Variants in PHACTR1 observed in about 807,000 individuals in gnomAD.
PHACTR1 encodes the protein phosphatase and actin regulator 1.
A neutral mutation model predicts 69.2 loss-of-function variants in PHACTR1; 16 were observed. That is an observed-to-expected ratio of 0.23 (90% CI 0.16 to 0.35). The LOEUF (loss-of-function observed/expected upper bound fraction) is 0.35. PHACTR1 is among the 10% of genes least tolerant of loss of function. The pLI, the probability that PHACTR1 is intolerant of heterozygous loss-of-function variation, is 1.00. For synonymous variants in PHACTR1, 312 were observed against 284.5 expected, an observed-to-expected ratio of 1.10 and a Z score of -0.97; for missense variants, 510 against 734.7, an observed-to-expected ratio of 0.69 and a Z score of 3.54.
chr6:12,985,541 AATAT>A (rs70989819), intron 4 of PHACTR1, among the ~76,000 whole-genome samples: 11 of 132,764 alleles, frequency 8.3e-5, no homozygotes, highest in African/African-American at 2.6e-4. Context: ...AAAAAAAAAA[AATAT>A]ATATATATAT....
At chr6:13,067,785 T>A (rs1251344684) in intron 5 of PHACTR1, among the ~76,000 whole-genome samples, 2 of 152,208 alleles carry the variant, frequency 1.3e-5, no homozygotes, top group East Asian at 3.8e-4. Flanking sequence ...CACACAGGCC[T>A]CAGTAGTTGC....
At chr6:12,811,036 G>A (rs531693883) in intron 4 of PHACTR1, among the ~76,000 whole-genome samples, 1 of 149,594 alleles carries the variant, frequency 6.7e-6, no homozygotes, top group Admixed American at 6.6e-5. Context: ...TTCAGTGGGT[G>A]CTCTGAGGAC....
chr6:13,191,984 T>C (rs539858012), intron 7 of PHACTR1, among the ~76,000 whole-genome samples: 2 of 152,270 alleles, frequency 1.3e-5, no homozygotes, highest in Admixed American at 6.5e-5. Context: ...CTCTGATTTC[T>C]ATAACCAGGG....
chr6:13,283,645 G>C lies in PHACTR1; in HGVS notation c.1650+83G>C. On this transcript the variant is annotated intron_variant, in intron 13 of 14. Transcript: ENST00000332995. The surrounding 1 kb of genome is among the most constrained non-coding windows in gnomAD (Gnocchi z 4.7). ...GGCTCACCGCTGGGGAGCGTGTAGG[G>C]AGACCTGCAGCCAGGCCTCAGCCGC... 1 of 1,602,784 alleles carries C rather than the reference G, an allele frequency of 6.2e-7. No individual in the cohort carries two copies. Among genetic ancestry groups the C allele is most frequent in the Non-Finnish European group, 8.5e-7 (1 of 1,173,206 alleles).
intron 4 of PHACTR1, among the ~76,000 whole-genome samples, chr6:12,854,018 T>TATAAAG (rs1780083147): frequency 6.6e-6 from 1 of 152,196 alleles, no homozygotes; most frequent in Admixed American, 6.5e-5. Context: ...GCGTTGTCAA[T>TATAAAG]ACGTATAGGT....
At chr6:12,907,173 T>C (rs1267576753) in intron 4 of PHACTR1, among the ~76,000 whole-genome samples, 1 of 152,228 alleles carries the variant, frequency 6.6e-6, no homozygotes, top group Non-Finnish European at 1.5e-5. Flanking sequence ...AACAATTGGC[T>C]TTTTCCGTTA....
intron 4 of PHACTR1, among the ~76,000 whole-genome samples, chr6:12,963,070 A>G (rs1277475176): frequency 1.3e-5 from 2 of 152,224 alleles, no homozygotes; most frequent in Non-Finnish European, 2.9e-5. Context: ...TGCAAGGGGT[A>G]TTTACAAGTC....
intron 4 of PHACTR1, among the ~76,000 whole-genome samples, chr6:12,852,836 G>A (rs1331005513): frequency 6.6e-6 from 1 of 152,202 alleles, no homozygotes; most frequent in Non-Finnish European, 1.5e-5. Flanking sequence ...AAAGCTTATA[G>A]AACTTGCTTT....
chr6:12,897,868 C>T (rs1784823550), intron 4 of PHACTR1, among the ~76,000 whole-genome samples: 1 of 152,044 alleles, frequency 6.6e-6, no homozygotes, highest in African/African-American at 2.4e-5. Context: ...TCCCCTATTC[C>T]CTCACCCTCC....
rs909316430 is a variant in PHACTR1 at position 12,749,757 on chromosome 6, G to A, written c.217G>A (p.Ala73Thr). The change falls in exon 4 of 15, where the codon GCA becomes ACA. Residue 73 changes from alanine (A) to threonine (T), a missense_variant. By Grantham distance (58) the Ala-to-Thr change is moderately conservative. Coordinates refer to ENST00000332995, the MANE Select transcript of PHACTR1 (RefSeq NM_030948.6). Reference sequence around the variant, plus strand: ...CTCCAAGAGCGACACGCCGTACCTCGCAGAGGCCAGGATCTCCTTTAACCT... The same window carrying A: ...CTCCAAGAGCGACACGCCGTACCTCACAGAGGCCAGGATCTCCTTTAACCT... ...VRSKSDTPYL[A>T]EARISFNLGA... The A allele has an allele frequency of 1.2e-6, 2 of 1,610,812 alleles. No individual in the cohort carries two copies. The highest frequency in any genetic ancestry group is 1.7e-6 in the Non-Finnish European group (2 of 1,179,318).
At chr6:13,196,420 C>CTTTTTTTTTTGTTTTT (rs555707385) in intron 7 of PHACTR1, 20 of 136,530 alleles carry the variant, frequency 1.5e-4, no homozygotes, top group South Asian at 3.0e-4. Flanking sequence ...GGTTTTCTTT[C>CTTTTTTTTTTGTTTTT]TTTTTTTTTT....
At chr6:12,803,443 G>T (rs575239516) in intron 4 of PHACTR1, among the ~76,000 whole-genome samples, 6 of 152,192 alleles carry the variant, frequency 3.9e-5, no homozygotes, top group South Asian at 4.2e-4. Flanking sequence ...ACAGCAGATT[G>T]GGCCTCCCGA....
At chr6:12,728,851 G>T (rs985023865) in intron 3 of PHACTR1, among the ~76,000 whole-genome samples, 1 of 152,092 alleles carries the variant, frequency 6.6e-6, no homozygotes, top group Non-Finnish European at 1.5e-5. Flanking sequence ...AGCAGTACAA[G>T]AAAAATAGGC....
At chr6:13,106,433 A>C (rs1355822818) in intron 5 of PHACTR1, among the ~76,000 whole-genome samples, 2 of 152,118 alleles carry the variant, frequency 1.3e-5, no homozygotes. Context: ...ATCATTAAGT[A>C]TGATGTTAGC....
chr6:12,852,137 A>C (rs1301820067), intron 4 of PHACTR1, among the ~76,000 whole-genome samples: 1 of 152,212 alleles, frequency 6.6e-6, no homozygotes, highest in African/African-American at 2.4e-5. Context: ...GCTAGGCCAA[A>C]AAACATTTTT....
intron 13 of PHACTR1, among the ~76,000 whole-genome samples, chr6:13,284,690 G>A (rs79243579): frequency 0.078 from 11,764 of 151,012 alleles, 740 homozygotes; most frequent in Admixed American, 0.23. Context: ...TTCACTGTCC[G>A]TTTCAGGGAC....
chr6:13,006,717 C>G (rs577112162), intron 4 of PHACTR1, among the ~76,000 whole-genome samples: 1 of 152,190 alleles, frequency 6.6e-6, no homozygotes, highest in African/African-American at 2.4e-5. Context: ...TAGGCTAGAT[C>G]GTGTTGCAGT....
At chr6:12,779,909 T>C (rs1561874801) in intron 4 of PHACTR1, among the ~76,000 whole-genome samples, 1 of 152,234 alleles carries the variant, frequency 6.6e-6, no homozygotes, top group African/African-American at 2.4e-5. Context: ...AATTATGTAA[T>C]GCTCTTTTCA....
At chr6:13,108,923 GTT>G (rs1355077049) in intron 5 of PHACTR1, among the ~76,000 whole-genome samples, 1 of 151,460 alleles carries the variant, frequency 6.6e-6, no homozygotes, top group Non-Finnish European at 1.5e-5. Context: ...TTTATTTTTA[GTT>G]TTTTTAAAAA....
Sources: gnomAD v4.1 joint callset for allele counts (sites outside exome capture counted in the v4.1 genomes callset) on GRCh38, gnomAD v4.1.1 for gene constraint, Gnocchi (gnomAD v3.1) non-coding constraint, MANE v1.5 for transcripts, NCBI Gene and HGNC (gene_info 2026-07-23, HGNC 2026-07-21) for gene names.